The following SLC4A4 variants were observed in gnomAD, a reference collection of about 807,000 sequenced individuals.
SLC4A4 encodes solute carrier family 4 member 4.
In SLC4A4, 27 loss-of-function variants were observed where a neutral mutation model predicts 111.5. That is an observed-to-expected ratio of 0.24 (90% confidence interval 0.18 to 0.33). The LOEUF (loss-of-function observed/expected upper bound fraction) is 0.33. SLC4A4 is among the 10% of genes least tolerant of loss of function. SLC4A4 has a pLI of 1.00. For synonymous variants in SLC4A4, 443 were observed against 463.4 expected (o/e 0.96, Z 0.57); for missense variants, 909 against 1,315.5 (o/e 0.69, Z 4.78).
chr4:71,141,804 T>C (rs890087840), intron 2 of SLC4A4, among the ~76,000 whole-genome samples: 1 of 152,212 alleles, frequency 6.6e-6, no homozygotes, highest in African/African-American at 2.4e-5. Flanking sequence ...TGATATATAC[T>C]AAAGTGAGAA....
intron 24 of SLC4A4, 41 bp from the exon 25 acceptor site, chr4:71,566,963 A>G: frequency 6.5e-7 from 1 of 1,532,830 alleles, no homozygotes; most frequent in Non-Finnish European, 9.0e-7. Context: ...TACTTCACCA[A>G]AGATCTACCA....
chr4:71,416,535 G>C lies in SLC4A4; in HGVS notation c.807+18882G>C, dbSNP rs373738718. On this transcript the variant is annotated intron_variant, in intron 7 of 25. Coordinates refer to ENST00000264485, the MANE Select transcript of SLC4A4 (RefSeq NM_001098484.3). ...CTGAAACTGCAGAAGCAAAACCTTA[G>C]ATAAGGGGGAATTTCTAAATCTCAA... 1.2e-3 allele frequency among the ~76,000 whole-genome samples: 189 copies of C among 152,228 alleles called. 1 individual carries two copies. The highest frequency in any genetic ancestry group is 4.5e-3 in the African/African-American group (185 of 41,554).
At chr4:71,451,576 A>G (rs1725765142) in intron 11 of SLC4A4, among the ~76,000 whole-genome samples, 1 of 152,180 alleles carries the variant, frequency 6.6e-6, no homozygotes, top group African/African-American at 2.4e-5. Context: ...AGAAGTAGGG[A>G]CTTTGAGGAT....
intron 1 of SLC4A4, among the ~76,000 whole-genome samples, chr4:71,077,099 A>G (rs760580074): frequency 1.8e-4 from 27 of 148,640 alleles, no homozygotes; most frequent in Non-Finnish European, 3.1e-4. Context: ...TATATAAAAT[A>G]AAATATGTAA....
At chr4:71,305,228 A>G (rs1016852870) in intron 3 of SLC4A4, among the ~76,000 whole-genome samples, 1 of 152,204 alleles carries the variant, frequency 6.6e-6, no homozygotes, top group African/African-American at 2.4e-5. Context: ...AAATAGCACA[A>G]TTATTACTAG....
chr4:71,310,075 A>G (rs1355594926), intron 3 of SLC4A4, among the ~76,000 whole-genome samples: 1 of 151,834 alleles, frequency 6.6e-6, no homozygotes, highest in African/African-American at 2.4e-5. Flanking sequence ...AGCAGAAGAA[A>G]GGATATCAGA....
At chr4:71,445,594 A>G (rs1437752071) in intron 8 of SLC4A4, among the ~76,000 whole-genome samples, 1 of 152,148 alleles carries the variant, frequency 6.6e-6, no homozygotes, top group Non-Finnish European at 1.5e-5. Context: ...CTAAGGATCC[A>G]GGTGTTAGAT....
chr4:71,196,276 G>T (rs1407005492), intron 1 of SLC4A4, among the ~76,000 whole-genome samples: 1 of 152,176 alleles, frequency 6.6e-6, no homozygotes, highest in Non-Finnish European at 1.5e-5. Flanking sequence ...GAAAATGGCA[G>T]AGCATTAACG....
chr4:71,090,959 C>CT (rs1454424802), intron 1 of SLC4A4, among the ~76,000 whole-genome samples: 2 of 152,066 alleles, frequency 1.3e-5, no homozygotes, highest in East Asian at 1.9e-4. Flanking sequence ...TTTTTCTTTT[C>CT]TTTTTTTTGA....
intron 16 of SLC4A4, among the ~76,000 whole-genome samples, chr4:71,504,408 T>C (rs952261717): frequency 6.6e-6 from 1 of 152,080 alleles, no homozygotes; most frequent in Non-Finnish European, 1.5e-5. Context: ...CTGTTCTTGA[T>C]GCTATCAGTT....
chr4:71,101,601 G>T (rs1271437150), intron 2 of SLC4A4, among the ~76,000 whole-genome samples: 2 of 152,256 alleles, frequency 1.3e-5, no homozygotes, highest in African/African-American at 4.8e-5. Context: ...CTCCTCAGGT[G>T]GGTCCCTGAC....
intron 7 of SLC4A4, among the ~76,000 whole-genome samples, chr4:71,423,217 A>G (rs1446861917): frequency 1.3e-5 from 2 of 152,234 alleles, no homozygotes; most frequent in African/African-American, 2.4e-5. Flanking sequence ...GAGCCAAATC[A>G]TGAGTGAACT....
intron 2 of SLC4A4, among the ~76,000 whole-genome samples, chr4:71,117,849 T>A (rs1015101638): frequency 6.6e-6 from 1 of 151,256 alleles, no homozygotes; most frequent in African/African-American, 2.4e-5. Context: ...ATCCATAAGT[T>A]TATTTCTTAG....
At chr4:71,348,137 T>A (rs1421643599) in intron 4 of SLC4A4, among the ~76,000 whole-genome samples, 1 of 152,144 alleles carries the variant, frequency 6.6e-6, no homozygotes, top group Non-Finnish European at 1.5e-5. Flanking sequence ...CAATGTAACA[T>A]TCTCCATCAA....
At chr4:71,481,994 T>A (rs1044753147) in intron 14 of SLC4A4, among the ~76,000 whole-genome samples, 1 of 151,648 alleles carries the variant, frequency 6.6e-6, no homozygotes. Context: ...TAGAGTGTTT[T>A]GGCTTTTCCA....
chr4:71,358,315 A>G (rs991958462), intron 6 of SLC4A4, among the ~76,000 whole-genome samples: 7 of 138,136 alleles, frequency 5.1e-5, no homozygotes, highest in South Asian at 2.2e-4. Flanking sequence ...ACTCCGTCTG[A>G]AAAAAAAAAA....
intron 6 of SLC4A4, 136 bp downstream of exon 6, chr4:71,357,323 T>C (rs1335678135): frequency 3.5e-6 from 3 of 862,542 alleles, no homozygotes; most frequent in Admixed American, 2.1e-5. Context: ...TCATTTCATA[T>C]TGACATTTTT....
intron 18 of SLC4A4, among the ~76,000 whole-genome samples, chr4:71,536,457 C>CATATACATATATATATATATAT: frequency 3.2e-5 from 1 of 31,412 alleles, no homozygotes; most frequent in Admixed American, 5.2e-4. Context: ...TACATATATA[C>CATATACATATATATATATATAT]ATATATACAT....
intron 3 of SLC4A4, among the ~76,000 whole-genome samples, chr4:71,286,483 C>A (rs1463911372): frequency 1.3e-5 from 2 of 152,196 alleles, no homozygotes; most frequent in Non-Finnish European, 2.9e-5. Context: ...TCTTCCCTAG[C>A]ATGTGTCTCT....
Sources: gnomAD v4.1 joint callset for allele counts (sites outside exome capture counted in the v4.1 genomes callset) on GRCh38, gnomAD v4.1.1 for gene constraint, MANE v1.5 for transcripts, NCBI Gene and HGNC (gene_info 2026-07-23, HGNC 2026-07-21) for gene names.